SLC35F4: variants seen among roughly 807,000 people sequenced by gnomAD.
The protein encoded by SLC35F4 is solute carrier family 35 member F4.
Under a neutral mutation model 44.2 loss-of-function variants are expected in SLC35F4, and 24 were observed. The observed-to-expected ratio is 0.54, with a 90% confidence interval of 0.39 to 0.76. The LOEUF (loss-of-function observed/expected upper bound fraction) is 0.76, where lower values mean the gene tolerates loss of function less well. Ranked by LOEUF, SLC35F4 falls within the 30% of genes least tolerant of loss-of-function variation. SLC35F4 has a pLI of 0.00. For missense variants in SLC35F4, 562 were observed against 586.1 expected, an observed-to-expected ratio of 0.96 and a Z score of 0.42; for synonymous variants, 238 against 223.6, an observed-to-expected ratio of 1.06 and a Z score of -0.57.
intron 1 of SLC35F4, among the ~76,000 whole-genome samples, chr14:57,704,706 A>C (rs2075626850): frequency 6.6e-6 from 1 of 152,180 alleles, no homozygotes; most frequent in Non-Finnish European, 1.5e-5. Context: ...CTCCCTACAC[A>C]TAAATTTAGG....
intron 1 of SLC35F4, among the ~76,000 whole-genome samples, chr14:57,933,451 GACCAAGTCACTACTTGGTCTCCTTGTTT>G (rs1360681538): frequency 6.6e-6 from 1 of 152,128 alleles, no homozygotes; most frequent in Non-Finnish European, 1.5e-5. Flanking sequence ...AAAGCAAAGA[GACCAAGTCACTACTTGGTCTCCTTGTTT>G]AATCAGTGAG....
At chr14:57,728,441 CTTTTTTTTTT>C (rs869064667) in intron 1 of SLC35F4, among the ~76,000 whole-genome samples, 2 of 59,026 alleles carry the variant, frequency 3.4e-5, no homozygotes, top group Non-Finnish European at 5.7e-5. Flanking sequence ...TTCTTTCTTT[CTTTTTTTTTT>C]TTTTTTTTTT....
Position 57,724,726 on chromosome 14 carries a change from C to A in SLC35F4, c.104-130602G>T, listed in dbSNP as rs1951420686. Among the ~76,000 whole-genome samples the A allele has an allele frequency of 2.6e-5, 4 of 152,170 alleles. No homozygotes were observed. In the South Asian group the frequency reaches 8.3e-4, roughly 32 times the overall value. Reference sequence around the variant, plus strand: ...TTGACAGAGGAAGAGAAGACTAGGGCTTGGTTCACAGATGGTTCTGCACGA... The same window carrying A: ...TTGACAGAGGAAGAGAAGACTAGGGATTGGTTCACAGATGGTTCTGCACGA... On this transcript the variant is annotated intron_variant, in intron 1 of 7. Transcript: ENST00000556826.
chr14:57,939,894 T>C (rs1479846533), intron 1 of SLC35F4, among the ~76,000 whole-genome samples: 2 of 152,228 alleles, frequency 1.3e-5, no homozygotes, highest in Non-Finnish European at 1.5e-5. Context: ...GCAATGTGCT[T>C]CCTGTATAGA....
chr14:57,709,034 C>T (rs951091373), intron 1 of SLC35F4, among the ~76,000 whole-genome samples: 7 of 152,250 alleles, frequency 4.6e-5, no homozygotes, highest in South Asian at 2.1e-4. Flanking sequence ...AACATGAAAG[C>T]GGACTAGGAG....
chr14:57,618,173 T>A lies in SLC35F4; in HGVS notation c.104-24049A>T, dbSNP rs573072947. ...ACCAATTGATCACATGACAAGATTT[T>A]AAAATAAAATGTGAAAAGACCTATT... On this transcript the variant is annotated intron_variant, in intron 1 of 7. Transcript: ENST00000556826. Among the ~76,000 whole-genome samples the A allele has an allele frequency of 2.6e-4, 39 of 152,276 alleles. No individual in the cohort carries two copies. The East Asian group carries it at 3.5e-3, about 14-fold the overall frequency.
At chr14:57,977,538 G>A (rs1028624450) in intron 1 of SLC35F4, among the ~76,000 whole-genome samples, 1 of 152,172 alleles carries the variant, frequency 6.6e-6, no homozygotes, top group Non-Finnish European at 1.5e-5. Context: ...ATGGTCACCT[G>A]AGTGCAGCTG....
At chr14:57,948,635 T>C (rs908150346) in intron 1 of SLC35F4, among the ~76,000 whole-genome samples, 1 of 152,160 alleles carries the variant, frequency 6.6e-6, no homozygotes, top group African/African-American at 2.4e-5. Flanking sequence ...AGATTGTCTA[T>C]TTTTGCTCTG....
chr14:57,910,754 C>T (rs1033105689), intron 1 of SLC35F4, among the ~76,000 whole-genome samples: 6 of 151,956 alleles, frequency 3.9e-5, no homozygotes, highest in African/African-American at 1.4e-4. Flanking sequence ...AATATTTTAT[C>T]AGATAATCAG....
rs574123303 is a variant in SLC35F4 at position 57,803,652 on chromosome 14, C to T, written c.103+62071G>A. ...TCACCCAGACTGGGGTACGAAGGCA[C>T]GATCATGGCTCATTGCAACCTCTGC... On this transcript the variant is annotated intron_variant, in intron 1 of 7. Transcript: ENST00000556826. Among the ~76,000 whole-genome samples, 10 of 141,678 alleles carry T rather than the reference C, an allele frequency of 7.1e-5. No individual in the cohort carries two copies. In the East Asian group the frequency reaches 1.9e-3, roughly 27 times the overall value. The allele number at this position is 141,678 out of a possible 152,430, so 92.9% of individuals were successfully genotyped here. A position where few individuals can be genotyped will look rare whatever the true frequency, so the allele number is the denominator to read the frequency against.
chr14:57,577,696 C>A (rs1299485410), intron 4 of SLC35F4, among the ~76,000 whole-genome samples: 3 of 151,826 alleles, frequency 2.0e-5, no homozygotes, highest in Admixed American at 6.6e-5. Context: ...AAGGTGGGTT[C>A]TCTGGTTCTT....
chr14:57,807,719 C>T (rs1181282919), intron 1 of SLC35F4, among the ~76,000 whole-genome samples: 1 of 151,898 alleles, frequency 6.6e-6, no homozygotes, highest in Non-Finnish European at 1.5e-5. Flanking sequence ...ATCACTCTAC[C>T]ACTTATATTA....
At chr14:57,582,187 C>T (rs1259755659) in intron 3 of SLC35F4, among the ~76,000 whole-genome samples, 1 of 145,306 alleles carries the variant, frequency 6.9e-6, no homozygotes, top group Non-Finnish European at 1.5e-5. Context: ...TCCTTTAAGT[C>T]CTAGGCCTAA....
At chr14:57,720,447 G>C (rs1039375940) in intron 1 of SLC35F4, among the ~76,000 whole-genome samples, 13 of 152,120 alleles carry the variant, frequency 8.5e-5, no homozygotes, top group African/African-American at 3.1e-4. Context: ...TTCAGCAGTG[G>C]AGCCATTGGG....
intron 1 of SLC35F4, among the ~76,000 whole-genome samples, chr14:57,824,115 T>C (rs996987335): frequency 6.6e-6 from 1 of 152,180 alleles, no homozygotes; most frequent in Non-Finnish European, 1.5e-5. Context: ...ACTGGAATAA[T>C]GTCACTTAAA....
intron 1 of SLC35F4, among the ~76,000 whole-genome samples, chr14:57,890,552 C>CCCATGCT (rs1555400223): frequency 1.3e-5 from 1 of 75,748 alleles, no homozygotes; most frequent in African/African-American, 7.3e-5. Context: ...AGCCCCTCTC[C>CCCATGCT]ACTGCATGGA....
intron 1 of SLC35F4, among the ~76,000 whole-genome samples, chr14:57,958,135 G>A (rs527668100): frequency 1.1e-4 from 17 of 151,634 alleles, no homozygotes; most frequent in African/African-American, 3.9e-4. Flanking sequence ...TCAGCTCACC[G>A]CAAGCTCTGC....
intron 1 of SLC35F4, among the ~76,000 whole-genome samples, chr14:57,802,241 A>T (rs1230776506): frequency 6.6e-6 from 1 of 152,222 alleles, no homozygotes; most frequent in Non-Finnish European, 1.5e-5. Context: ...TTGGGTAAAT[A>T]ATAAAATTAA....
At chr14:57,978,320 G>A (rs956731110) in intron 1 of SLC35F4, among the ~76,000 whole-genome samples, 1 of 152,184 alleles carries the variant, frequency 6.6e-6, no homozygotes, top group Non-Finnish European at 1.5e-5. Context: ...GCTGTGATCT[G>A]TATGTAATAG....
Sources: allele counts gnomAD v4.1 joint callset (sites outside exome capture counted in the v4.1 genomes callset), GRCh38; gene constraint gnomAD v4.1.1; transcripts MANE v1.5; gene names NCBI Gene and HGNC (gene_info 2026-07-23, HGNC 2026-07-21).